LGR4: variants seen among roughly 807,000 people sequenced by gnomAD.
LGR4 encodes leucine-rich repeat-containing G protein-coupled receptor 4.
In LGR4, 44 loss-of-function variants were observed where a neutral mutation model predicts 84.8. That is an observed-to-expected ratio of 0.52 (90% CI 0.41 to 0.67). The LOEUF is 0.67. Among genes scored for constraint, LGR4 ranks in the 30% least tolerant of loss-of-function variants. The pLI is 0.00. For synonymous variants in LGR4, 429 were observed against 434.3 expected, an observed-to-expected ratio of 0.99 and a Z score of 0.15; for missense variants, 1,032 against 1,131.4, an observed-to-expected ratio of 0.91 and a Z score of 1.26.
At chr11:27,439,652 C>T (rs113020921) in intron 1 of LGR4, among the ~76,000 whole-genome samples, 1 of 152,150 alleles carries the variant, frequency 6.6e-6, no homozygotes, top group Non-Finnish European at 1.5e-5. Context: ...GGAACCACCA[C>T]AGTTTTCCAC....
chr11:27,380,362 A>C (rs769144802), intron 9 of LGR4, 23 bp from the exon 10 acceptor site: 1 of 1,571,126 alleles, frequency 6.4e-7, no homozygotes, highest in Non-Finnish European at 8.7e-7. Context: ...GAGAAAGACA[A>C]GGTAATTTTT....
At chr11:27,435,971 C>T (rs958685431) in intron 1 of LGR4, among the ~76,000 whole-genome samples, 6 of 150,178 alleles carry the variant, frequency 4.0e-5, no homozygotes, top group African/African-American at 7.4e-5. Flanking sequence ...AGTGCAGTGG[C>T]GCGATCTGGG....
chr11:27,454,851 C>T (rs1056495247), intron 1 of LGR4, among the ~76,000 whole-genome samples: 2 of 151,938 alleles, frequency 1.3e-5, no homozygotes, highest in Non-Finnish European at 2.9e-5. Flanking sequence ...AAGTACTGAG[C>T]CCATGGAAAA....
intron 11 of LGR4, among the ~76,000 whole-genome samples, chr11:27,378,371 A>C (rs1418377754): frequency 6.6e-6 from 1 of 152,180 alleles, no homozygotes; most frequent in African/African-American, 2.4e-5. Flanking sequence ...TGCAGATGAA[A>C]GAAGGAGACT....
At chr11:27,385,626 G>A (rs1268056065) in intron 4 of LGR4, 158 bp from the exon 5 acceptor site, 3 of 548,314 alleles carry the variant, frequency 5.5e-6, no homozygotes, top group East Asian at 3.0e-5. Flanking sequence ...ACTTTTTCAT[G>A]ATCTGTATAG....
chr11:27,445,834 G>A (rs905093397), intron 1 of LGR4, among the ~76,000 whole-genome samples: 2 of 151,782 alleles, frequency 1.3e-5, no homozygotes, highest in Non-Finnish European at 2.9e-5. Flanking sequence ...CTGAGATGGC[G>A]CCACTGTACT....
intron 2 of LGR4, among the ~76,000 whole-genome samples, chr11:27,392,903 C>A (rs1474560625): frequency 1.3e-5 from 2 of 152,124 alleles, no homozygotes; most frequent in African/African-American, 4.8e-5. Flanking sequence ...CAGATTAGAG[C>A]AAACCAGTCT....
At chr11:27,388,983 C>T (rs1483498361) in intron 4 of LGR4, among the ~76,000 whole-genome samples, 1 of 152,064 alleles carries the variant, frequency 6.6e-6, no homozygotes, top group Admixed American at 6.6e-5. Context: ...CAACAATTGG[C>T]TTTCAGATTT....
Position 27,472,408 on chromosome 11 carries a change from G to A in LGR4, c.-106C>T. 1 of 928,212 alleles carries A rather than the reference G, an allele frequency of 1.1e-6. No individual in the cohort carries two copies. The highest frequency in any genetic ancestry group is 1.4e-6 in the Non-Finnish European group (1 of 717,666). The allele number at this position is 928,212 out of a possible 1,614,324, so 57.5% of individuals were successfully genotyped here. A position where few individuals can be genotyped will look rare whatever the true frequency, so the allele number is the denominator to read the frequency against. ...GCAGCCGGCCTGCGGGCTGGAGCGGGGGTCTCTTCCTCGGCGGTCCGCGCG... is the reference window on the plus strand; with the variant it reads ...GCAGCCGGCCTGCGGGCTGGAGCGGAGGTCTCTTCCTCGGCGGTCCGCGCG... On this transcript the variant is annotated 5_prime_UTR_variant, in exon 1 of 18. Transcript: ENST00000379214.
At chr11:27,467,805 C>T (rs535091342) in intron 1 of LGR4, among the ~76,000 whole-genome samples, 15 of 152,284 alleles carry the variant, frequency 9.9e-5, no homozygotes, top group Admixed American at 6.5e-4. Flanking sequence ...ACATGGTTCA[C>T]TAGTTTGGAA....
intron 1 of LGR4, among the ~76,000 whole-genome samples, chr11:27,471,017 G>A (rs1219374176): frequency 6.6e-6 from 1 of 152,112 alleles, no homozygotes; most frequent in African/African-American, 2.4e-5. Context: ...GGCCCCTCAG[G>A]ATCCCTTCCT....
Position 27,368,847 on chromosome 11 carries a change from C to T in LGR4, c.1876G>A (p.Val626Ile). Residue 626 changes from valine (V) to isoleucine (I), a missense_variant, in exon 18 of 18, where the codon GTT (valine) becomes ATT (isoleucine). By Grantham distance (29) the Val-to-Ile change is conservative. Transcript: ENST00000379214. ...SGCKVAGFLAVFSSESAIFLL... is the reference protein window; with the variant it reads ...SGCKVAGFLAIFSSESAIFLL... ...AATATGGCACTTTCTGAGGAGAAAA[C>T]TGCAAGAAACCCAGCTACTTTGCAG... The T allele has an allele frequency of 1.2e-6, 2 of 1,614,112 alleles. No homozygotes were observed. The highest frequency in any genetic ancestry group is 1.3e-5 in the African/African-American group (1 of 75,020).
chr11:27,438,945 C>T (rs889143149), intron 1 of LGR4, among the ~76,000 whole-genome samples: 1 of 152,064 alleles, frequency 6.6e-6, no homozygotes, highest in Non-Finnish European at 1.5e-5. Flanking sequence ...ATACATATAT[C>T]CTATATATAT....
intron 1 of LGR4, among the ~76,000 whole-genome samples, chr11:27,442,578 TCAA>T (rs1263640689): frequency 2.0e-5 from 3 of 152,176 alleles, no homozygotes; most frequent in Non-Finnish European, 2.9e-5. Context: ...CACTATGTTG[TCAA>T]CAACAACGAC....
chr11:27,389,048 C>A (rs929981205), intron 4 of LGR4, among the ~76,000 whole-genome samples: 6 of 152,100 alleles, frequency 3.9e-5, no homozygotes, highest in African/African-American at 1.2e-4. Flanking sequence ...CAATTTCAAT[C>A]CCTAATGAAC....
chr11:27,424,995 C>A (rs536759007), intron 1 of LGR4, among the ~76,000 whole-genome samples: 1 of 152,298 alleles, frequency 6.6e-6, no homozygotes, highest in East Asian at 1.9e-4. Flanking sequence ...AATCCACCCG[C>A]CTCAGGCTCC....
chr11:27,442,141 A>C (rs1864315150), intron 1 of LGR4, among the ~76,000 whole-genome samples: 1 of 152,182 alleles, frequency 6.6e-6, no homozygotes, highest in Non-Finnish European at 1.5e-5. Flanking sequence ...GCTGAGATGG[A>C]GAAAAGCATA....
chr11:27,367,545 A>T lies in LGR4; in HGVS notation c.*322T>A, dbSNP rs1271795366. 1 of 189,424 alleles carries T rather than the reference A, an allele frequency of 5.3e-6. No individual in the cohort carries two copies. The highest frequency in any genetic ancestry group is 1.1e-5 in the Non-Finnish European group (1 of 92,496). The allele number at this position is 189,424 out of a possible 1,614,324, so 11.7% of individuals were successfully genotyped here. ...CTGTTCTTTATCTTGTGCTTAATAC[A>T]CAAATAGGTATAAATTTGCTTCTTA... On this transcript the variant is annotated 3_prime_UTR_variant, in exon 18 of 18. Transcript: ENST00000379214.
intron 1 of LGR4, among the ~76,000 whole-genome samples, chr11:27,439,577 G>A (rs1182378164): frequency 1.3e-5 from 2 of 152,164 alleles, no homozygotes; most frequent in Admixed American, 6.5e-5. Context: ...TCAATTTGCG[G>A]GGAATACATA....
Sources: gnomAD v4.1 joint callset for allele counts (sites outside exome capture counted in the v4.1 genomes callset) on GRCh38, gnomAD v4.1.1 for gene constraint, MANE v1.5 for transcripts, NCBI Gene and HGNC (gene_info 2026-07-23, HGNC 2026-07-21) for gene names.